The following CNIH3 variants were observed in gnomAD, a reference collection of about 807,000 sequenced individuals.
The protein encoded by CNIH3 is protein cornichon homolog 3.
A neutral mutation model predicts 24.1 loss-of-function variants in CNIH3; 14 were observed. The observed-to-expected ratio is 0.58, with a 90% CI of 0.38 to 0.91. The LOEUF (loss-of-function observed/expected upper bound fraction) is 0.91. Ranked by LOEUF, CNIH3 falls within the 40% of genes least tolerant of loss-of-function variation. CNIH3 has a pLI of 0.00. For synonymous variants in CNIH3, 68 were observed against 73.8 expected, an observed-to-expected ratio of 0.92 and a Z score of 0.40; for missense variants, 178 against 196.8, an observed-to-expected ratio of 0.90 and a Z score of 0.57.
intron 2 of CNIH3, among the ~76,000 whole-genome samples, chr1:224,523,646 A>T (rs1678730280): frequency 6.6e-6 from 1 of 152,132 alleles, no homozygotes; most frequent in Admixed American, 6.5e-5. Context: ...TTACTTTGTG[A>T]TGATGTGTGT....
chr1:224,730,423 C>T (rs972151141), intron 3 of CNIH3, 39 bp from the exon 4 acceptor site: 1 of 1,360,688 alleles, frequency 7.3e-7, no homozygotes, highest in East Asian at 2.5e-5. Flanking sequence ...TGGCGTTTTC[C>T]TCCTCTAACT....
intron 1 of CNIH3, among the ~76,000 whole-genome samples, chr1:224,634,783 C>A (rs1476523671): frequency 6.6e-6 from 1 of 152,106 alleles, no homozygotes; most frequent in East Asian, 1.9e-4. Flanking sequence ...TGCATCTGTT[C>A]TGTGTTGAGC....
chr1:224,499,459 G>A (rs2124866568), intron 1 of CNIH3, among the ~76,000 whole-genome samples: 1 of 152,152 alleles, frequency 6.6e-6, no homozygotes, highest in Non-Finnish European at 1.5e-5. Context: ...CGTTGTTTTT[G>A]TTGGTTTGCT....
intron 1 of CNIH3, among the ~76,000 whole-genome samples, chr1:224,644,991 A>C (rs1481935745): frequency 6.6e-6 from 1 of 152,170 alleles, no homozygotes; most frequent in East Asian, 1.9e-4. Flanking sequence ...GAAGCATTTC[A>C]CACCCTGGGT....
chr1:224,737,210 C>T (rs1188314794), intron 5 of CNIH3, among the ~76,000 whole-genome samples: 6 of 121,106 alleles, frequency 5.0e-5, no homozygotes, highest in African/African-American at 6.3e-5. Flanking sequence ...GTGCGTGCTC[C>T]GCTGCGGGGG....
intron 1 of CNIH3, among the ~76,000 whole-genome samples, chr1:224,455,341 CCCT>C (rs1200363455): frequency 7.9e-5 from 12 of 152,140 alleles, no homozygotes; most frequent in African/African-American, 2.9e-4. Context: ...CCTGAATCCA[CCCT>C]CCTCCTCCTC....
intron 1 of CNIH3, among the ~76,000 whole-genome samples, chr1:224,495,312 T>G (rs1050780961): frequency 7.2e-4 from 109 of 152,230 alleles, no homozygotes; most frequent in African/African-American, 2.6e-3. Context: ...GGACATGCCT[T>G]GTATATACCT....
In CNIH3 at chr1:224,515,885, G is replaced by T. The variant is rs1012641560; in HGVS notation, n.15+9G>T. The T allele has an allele frequency of 3.9e-5, 6 of 152,304 alleles. No homozygotes were observed. The East Asian group carries it at 1.2e-3, about 29-fold the overall frequency. The allele number at this position is 152,304 out of a possible 1,614,324, so 9.4% of individuals were successfully genotyped here. A position where few individuals can be genotyped will look rare whatever the true frequency, so the allele number is the denominator to read the frequency against. On this transcript the variant is annotated intron_variant and non_coding_transcript_variant, in intron 1 of 2. Coordinates refer to the CNIH3 transcript ENST00000470602. ...GAGTGGACCAAGTGAAGGTACGAAG[G>T]TCGTTGCTTAGAGTGAATATTAATA...
rs1030655500 is a variant in CNIH3 at position 224,739,929 on chromosome 1, A to G, written c.*573A>G. The G allele has an allele frequency of 6.6e-6, 1 of 152,446 alleles. No individual in the cohort carries two copies. Among genetic ancestry groups the G allele is most frequent in the African/African-American group, 2.4e-5 (1 of 41,450 alleles). The allele number at this position is 152,446 out of a possible 1,614,324, so 9.4% of individuals were successfully genotyped here. On this transcript the variant is annotated 3_prime_UTR_variant, in exon 6 of 6. Coordinates refer to ENST00000272133, the MANE Select transcript of CNIH3 (RefSeq NM_152495.2). ...GTGGGATTTGTCTTCAGCTGCAACC[A>G]GCCTTGAGCCTGCTGGGCTATTTTC... is the stretch of plus-strand genomic sequence containing the variant.
downstream of CNIH3, among the ~76,000 whole-genome samples, chr1:224,538,076 G>A (rs185530602): frequency 2.0e-5 from 3 of 151,574 alleles, no homozygotes; most frequent in Non-Finnish European, 4.4e-5. Flanking sequence ...TCAGCCTCCC[G>A]AGTAGTTGGC....
At chr1:224,579,067 C>CTTTTTTTTTTTTTTT (rs60330387) in intron 4 of CNIH3, among the ~76,000 whole-genome samples, 7 of 138,924 alleles carry the variant, frequency 5.0e-5, no homozygotes, top group East Asian at 2.1e-4. Flanking sequence ...TTTCTTTTTT[C>CTTTTTTTTTTTTTTT]TTTTTTTTTT....
chr1:224,667,422 G>T (rs1178562741), intron 1 of CNIH3, among the ~76,000 whole-genome samples: 1 of 152,118 alleles, frequency 6.6e-6, no homozygotes, highest in Non-Finnish European at 1.5e-5. Flanking sequence ...ATTGAAAGGG[G>T]ATTCACATCT....
At chr1:224,583,401 T>C (rs536416005) in intron 5 of CNIH3, 51 of 152,314 alleles carry the variant, frequency 3.3e-4, no homozygotes, top group African/African-American at 1.2e-3. Context: ...GTGGACCAGT[T>C]TGGCCACACT....
chr1:224,543,312 CTGTT>C (rs1410331979), intron 2 of CNIH3, among the ~76,000 whole-genome samples: 2 of 152,158 alleles, frequency 1.3e-5, no homozygotes, highest in African/African-American at 2.4e-5. Flanking sequence ...CCCTGTGTGT[CTGTT>C]TGTTTGCCTG....
chr1:224,556,301 G>A (rs1680138407), intron 3 of CNIH3, among the ~76,000 whole-genome samples: 1 of 151,920 alleles, frequency 6.6e-6, no homozygotes, highest in African/African-American at 2.4e-5. Context: ...TCCTGTCTGT[G>A]GTACTTACTG....
At chr1:224,718,733 G>C (rs966820712) in intron 3 of CNIH3, among the ~76,000 whole-genome samples, 8 of 152,036 alleles carry the variant, frequency 5.3e-5, no homozygotes, top group Non-Finnish European at 7.4e-5. Context: ...CCTGTGTGAA[G>C]CCTGTTCTTT....
upstream of CNIH3, among the ~76,000 whole-genome samples, chr1:224,512,735 T>C (rs1024016914): frequency 6.7e-5 from 10 of 148,602 alleles, no homozygotes; most frequent in Non-Finnish European, 1.3e-4. Context: ...CCCATTTACC[T>C]TCCTCCAGCC....
At chr1:224,459,881 ATTT>A (rs3065475) in intron 1 of CNIH3, among the ~76,000 whole-genome samples, 1 of 136,138 alleles carries the variant, frequency 7.3e-6, no homozygotes. Context: ...TGGAACCCCT[ATTT>A]TTTTTTTTTT....
At chr1:224,483,064 A>C (rs1410356016) in intron 1 of CNIH3, among the ~76,000 whole-genome samples, 7 of 152,184 alleles carry the variant, frequency 4.6e-5, no homozygotes, top group East Asian at 1.9e-4. Context: ...TTAAGCACAC[A>C]GATTCTCTCT....
Sources: gnomAD v4.1 joint callset for allele counts (sites outside exome capture counted in the v4.1 genomes callset) on GRCh38, gnomAD v4.1.1 for gene constraint, MANE v1.5 for transcripts, NCBI Gene and HGNC (gene_info 2026-07-23, HGNC 2026-07-21) for gene names.